Variants in AGBL4 observed in about 807,000 individuals in gnomAD.
The protein encoded by AGBL4 is cytosolic carboxypeptidase 6.
In AGBL4, 58 loss-of-function variants were observed where a neutral mutation model predicts 66.4. The ratio of observed to expected loss-of-function variants is 0.87; its 90% CI spans 0.71 to 1.09. The LOEUF (loss-of-function observed/expected upper bound fraction) is 1.09, where lower values mean the gene tolerates loss of function less well. Among genes scored for constraint, AGBL4 ranks in the 50% least tolerant of loss-of-function variants. The pLI is 0.00. For synonymous variants in AGBL4, 234 were observed against 222.9 expected, an observed-to-expected ratio of 1.05 and a Z score of -0.44; for missense variants, 579 against 631.0, an observed-to-expected ratio of 0.92 and a Z score of 0.88.
rs139707283 is a variant in AGBL4 at position 49,674,571 on chromosome 1, T to TACACAC, written c.282+22736_282+22741dup. On this transcript the variant is annotated intron_variant, in intron 3 of 13. Transcript: ENST00000371839. ...TAAAAGAATATATATAAGAATAAAATACACACACACACACACACACACACA... is the reference window on the plus strand; with the variant it reads ...TAAAAGAATATATATAAGAATAAAATACACACACACACACACACACACACACACACA... 5.6e-3 allele frequency among the ~76,000 whole-genome samples: 807 copies of TACACAC among 143,782 alleles called. 5 individuals carry two copies. The highest frequency in any genetic ancestry group is 0.015 in the African/African-American group (585 of 39,692). 94.3% of individuals were successfully genotyped at this position (143,782 alleles called of 152,430 possible).
intron 6 of AGBL4, among the ~76,000 whole-genome samples, chr1:48,714,547 C>A (rs557676430): frequency 6.6e-6 from 1 of 152,370 alleles, no homozygotes; most frequent in East Asian, 1.9e-4. Flanking sequence ...CATTTCTTGC[C>A]GGACTATTAA....
chr1:49,426,629 C>G (rs1645666098), intron 3 of AGBL4, among the ~76,000 whole-genome samples: 1 of 152,100 alleles, frequency 6.6e-6, no homozygotes, highest in Admixed American at 6.5e-5. Context: ...AATACTTGTT[C>G]TGTGCCTGCC....
rs766365487 is a variant in AGBL4, at chr1:49,512,604, G to A, written c.282+184709C>T. Among the ~76,000 whole-genome samples, 93 of 151,590 alleles carry A rather than the reference G, an allele frequency of 6.1e-4. 1 individual carries two copies. The highest frequency in any genetic ancestry group is 4.9e-4 in the Non-Finnish European group (33 of 67,846). On this transcript the variant is annotated intron_variant, in intron 3 of 13. Coordinates refer to ENST00000371839, the MANE Select transcript of AGBL4 (RefSeq NM_032785.4). ...ACCTGCTCCCTCTTTGCCTTCTGCC[G>A]TGATTGGAAGCCTCCTGACACCCTC... is the stretch of plus-strand genomic sequence containing the variant.
intron 3 of AGBL4, among the ~76,000 whole-genome samples, chr1:49,458,570 C>T (rs1182066232): frequency 6.6e-6 from 1 of 151,692 alleles, no homozygotes; most frequent in African/African-American, 2.4e-5. Flanking sequence ...ATTGCTCTGA[C>T]TAGGACATCC....
At chr1:48,720,700 T>C (rs1647132255) in intron 6 of AGBL4, among the ~76,000 whole-genome samples, 1 of 152,166 alleles carries the variant, frequency 6.6e-6, no homozygotes, top group Non-Finnish European at 1.5e-5. Flanking sequence ...TAGCACAGTG[T>C]AGGGGTTCAG....
chr1:49,435,147 T>C (rs1363778330), intron 3 of AGBL4, among the ~76,000 whole-genome samples: 2 of 152,328 alleles, frequency 1.3e-5, no homozygotes. Flanking sequence ...TGTTGTTACA[T>C]ATTTATTTGA....
At chr1:49,452,868 G>A (rs1160092419) in intron 3 of AGBL4, among the ~76,000 whole-genome samples, 2 of 151,884 alleles carry the variant, frequency 1.3e-5, no homozygotes, top group African/African-American at 4.8e-5. Flanking sequence ...GTGAGGCACT[G>A]TGCTGTGTGT....
intron 1 of AGBL4, among the ~76,000 whole-genome samples, chr1:49,873,131 T>C (rs1049264943): frequency 6.6e-6 from 1 of 152,080 alleles, no homozygotes; most frequent in Non-Finnish European, 1.5e-5. Context: ...TGCCTACTGA[T>C]GTATGGACTT....
chr1:49,721,667 A>G (rs1648622316), intron 2 of AGBL4, among the ~76,000 whole-genome samples: 2 of 152,276 alleles, frequency 1.3e-5, no homozygotes, highest in South Asian at 4.1e-4. Flanking sequence ...AAAGCTTGAA[A>G]TAGGAGCCAG....
intron 3 of AGBL4, among the ~76,000 whole-genome samples, chr1:49,314,461 C>A (rs947403199): frequency 1.3e-5 from 2 of 151,936 alleles, no homozygotes; most frequent in African/African-American, 4.8e-5. Flanking sequence ...AACTCCCACT[C>A]ATGAGTGAGA....
chr1:48,718,541 C>A (rs1235027619), intron 6 of AGBL4, among the ~76,000 whole-genome samples: 1 of 152,182 alleles, frequency 6.6e-6, no homozygotes, highest in African/African-American at 2.4e-5. Flanking sequence ...TTCTTCATAT[C>A]CAGGGCCAGG....
intron 3 of AGBL4, among the ~76,000 whole-genome samples, chr1:49,250,130 A>G (rs1052896272): frequency 5.9e-5 from 9 of 152,230 alleles, no homozygotes; most frequent in African/African-American, 1.9e-4. Context: ...GATGGATAGA[A>G]GGAATAAATT....
chr1:48,897,806 C>CTTTT (rs55889870), intron 5 of AGBL4, among the ~76,000 whole-genome samples: 7 of 127,798 alleles, frequency 5.5e-5, no homozygotes, highest in South Asian at 2.6e-4. Context: ...CTTTTGCCCA[C>CTTTT]TTTTTTTTTT....
intron 9 of AGBL4, 90 bp from the exon 10 acceptor site, chr1:48,591,075 CACACACACCCACCCACCCCCCCCCACACA>C: frequency 1.0e-6 from 1 of 966,758 alleles, no homozygotes; most frequent in African/African-American, 1.9e-5. Context: ...ACACACCCCC[CACACACACCCACCCACCCCCCCCCACACA>C]CACACACACA....
rs142216658 is a variant in AGBL4 at position 49,640,460 on chromosome 1, CAG to C, written c.282+56851_282+56852del. Among the ~76,000 whole-genome samples the C allele has an allele frequency of 5.2e-3, 794 of 152,282 alleles. 7 individuals carry two copies. The highest frequency in any genetic ancestry group is 6.6e-3 in the Non-Finnish European group (446 of 68,020). ...GTGAGATCTTCAGATCTTTTTCCCT[CAG>C]AGTGTTGCTTATCTTGAGAGCACTA... On this transcript the variant is annotated intron_variant, in intron 3 of 13. Transcript: ENST00000371839.
At chr1:48,546,580 G>A (rs371131466) in intron 11 of AGBL4, among the ~76,000 whole-genome samples, 1 of 152,190 alleles carries the variant, frequency 6.6e-6, no homozygotes, top group Non-Finnish European at 1.5e-5. Flanking sequence ...GGAAGGTGAC[G>A]CTGAAATATT....
intron 2 of AGBL4, among the ~76,000 whole-genome samples, chr1:49,824,921 G>C (rs1571647977): frequency 6.6e-6 from 1 of 152,146 alleles, no homozygotes; most frequent in East Asian, 1.9e-4. Context: ...ATTCTCTTCT[G>C]AATCTGAGCT....
intron 1 of AGBL4, among the ~76,000 whole-genome samples, chr1:49,890,284 T>C (rs1648509144): frequency 6.6e-6 from 1 of 152,204 alleles, no homozygotes; most frequent in Non-Finnish European, 1.5e-5. Flanking sequence ...CATGACTCAT[T>C]CATGCATTTA....
intron 9 of AGBL4, among the ~76,000 whole-genome samples, chr1:48,606,654 G>T (rs1645158044): frequency 6.6e-6 from 1 of 152,174 alleles, no homozygotes. Flanking sequence ...TCCATAGTCT[G>T]TGAGGCTCCC....
Sources: allele counts gnomAD v4.1 joint callset (sites outside exome capture counted in the v4.1 genomes callset), GRCh38; gene constraint gnomAD v4.1.1; transcripts MANE v1.5; gene names NCBI Gene and HGNC (gene_info 2026-07-23, HGNC 2026-07-21).